ZZZ3: variants seen among roughly 807,000 people sequenced by gnomAD.
ZZZ3 encodes zinc finger ZZ-type containing 3.
ZZZ3 carries 22 observed loss-of-function variants against 95.2 expected under a neutral mutation model. That is an observed-to-expected ratio of 0.23 (90% CI 0.17 to 0.33). The LOEUF (loss-of-function observed/expected upper bound fraction) is 0.33. Ranked by LOEUF, ZZZ3 falls within the 10% of genes least tolerant of loss-of-function variation. The pLI is 1.00. For synonymous variants in ZZZ3, 335 were observed against 358.9 expected, an observed-to-expected ratio of 0.93 and a Z score of 0.75; for missense variants, 885 against 1,066.5, an observed-to-expected ratio of 0.83 and a Z score of 2.37.
chr1:77,646,996 G>C (rs753906062), intron 1 of ZZZ3, among the ~76,000 whole-genome samples: 9 of 152,180 alleles, frequency 5.9e-5, no homozygotes, highest in Non-Finnish European at 1.3e-4. Flanking sequence ...ATCTTGAGCT[G>C]AGTATTGATC....
At chr1:77,616,327 C>T (rs1666309343) in intron 5 of ZZZ3, among the ~76,000 whole-genome samples, 1 of 152,160 alleles carries the variant, frequency 6.6e-6, no homozygotes, top group Admixed American at 6.5e-5. Flanking sequence ...AAAGATGACA[C>T]CATTTGCTTA....
intron 1 of ZZZ3, among the ~76,000 whole-genome samples, chr1:77,663,082 G>A (rs1003278419): frequency 6.6e-6 from 1 of 151,290 alleles, no homozygotes; most frequent in Admixed American, 6.6e-5. Flanking sequence ...TCCAGGCTGG[G>A]TAACACAGTG....
rs545652370 is a variant in ZZZ3, at chr1:77,570,503, C to T, written c.2332-2037G>A. On this transcript the variant is annotated intron_variant, in intron 12 of 14. Coordinates refer to ENST00000370801, the MANE Select transcript of ZZZ3 (RefSeq NM_015534.6). ...ATCGGTCCTCTAGTATCCACCCCCT[C>T]CTTTGCCCCTTACCATTACTTAAAA... Among the ~76,000 whole-genome samples the T allele has an allele frequency of 1.1e-3, 167 of 152,196 alleles. 2 individuals carry two copies. Among genetic ancestry groups the T allele is most frequent in the Non-Finnish European group, 6.3e-4 (43 of 68,010 alleles).
chr1:77,645,201 C>G (rs915869865), intron 1 of ZZZ3: 1 of 152,172 alleles, frequency 6.6e-6, no homozygotes, highest in South Asian at 2.1e-4. Context: ...GCACTCCAGC[C>G]TGGGCAACCA....
At chr1:77,644,739 G>T (rs1057504675) in intron 1 of ZZZ3, among the ~76,000 whole-genome samples, 6 of 152,190 alleles carry the variant, frequency 3.9e-5, no homozygotes, top group African/African-American at 1.2e-4. Flanking sequence ...AAGTACTTCA[G>T]GTTACTGACT....
Position 77,582,028 on chromosome 1 carries a change from A to T in ZZZ3, c.1743T>A (p.Phe581Leu). The T allele has an allele frequency of 6.2e-7, 1 of 1,611,846 alleles. No individual in the cohort carries two copies. Among genetic ancestry groups the T allele is most frequent in the Non-Finnish European group, 8.5e-7 (1 of 1,178,168 alleles). Residue 581 changes from phenylalanine (F) to leucine (L), a missense_variant, in exon 7 of 15, where the codon TTT (phenylalanine) becomes TTA (leucine). Phe to Leu is a conservative substitution (Grantham distance 22). Transcript: ENST00000370801. ...THSLGNFERE[F>L]KNRKRHTRRV... ...TTCTAGTATGTCTTTTACGATTTTT[A>T]AATTCTCTTTCAAAATTCCCAAGGC...
At position 77,657,573 on chromosome 1, in the gene ZZZ3, G is replaced by A. The variant is rs556609980; in HGVS notation, c.-402-15918C>T. ...AAATTTCACCACTCTGAACATGTCC[G>A]CAAATGACTGCGAAAGTGCCAGACA... On this transcript the variant is annotated intron_variant, in intron 1 of 14. Coordinates refer to ENST00000370801, the MANE Select transcript of ZZZ3 (RefSeq NM_015534.6). Among the ~76,000 whole-genome samples the A allele has an allele frequency of 4.6e-5, 7 of 152,252 alleles. No individual in the cohort carries two copies. The South Asian group carries it at 1.5e-3, about 32-fold the overall frequency.
At chr1:77,668,196 T>C (rs111832155) in intron 1 of ZZZ3, among the ~76,000 whole-genome samples, 3,986 of 152,344 alleles carry the variant, frequency 0.026, 56 homozygotes, top group Middle Eastern at 0.078. Context: ...ACAGGTTTCA[T>C]TTTTAAGAGC....
intron 1 of ZZZ3, among the ~76,000 whole-genome samples, chr1:77,680,784 G>A (rs545305228): frequency 2.0e-5 from 3 of 152,212 alleles, no homozygotes; most frequent in East Asian, 1.9e-4. Flanking sequence ...TTAGGTTACA[G>A]TTTAGAATAT....
intron 5 of ZZZ3, among the ~76,000 whole-genome samples, chr1:77,619,255 C>T (rs927233312): frequency 6.6e-6 from 1 of 152,140 alleles, no homozygotes; most frequent in African/African-American, 2.4e-5. Flanking sequence ...TAACAAACAA[C>T]ATACCTCAAA....
chr1:77,582,761 T>A (rs950419795), intron 6 of ZZZ3, among the ~76,000 whole-genome samples: 33 of 151,562 alleles, frequency 2.2e-4, no homozygotes, highest in Non-Finnish European at 3.7e-4. Flanking sequence ...GTATAAAAAA[T>A]TATTAAGATG....
In ZZZ3 at chr1:77,592,363, C is replaced by T. The variant is rs1663789934; in HGVS notation, c.1506-7708G>A. On this transcript the variant is annotated intron_variant, in intron 5 of 14. Transcript: ENST00000370801. ...TGTCCCCCAGGATAGAGTGCAGTGGCGTGATCTCAGCTCACTGCAACCTCC... is the reference window on the plus strand; with the variant it reads ...TGTCCCCCAGGATAGAGTGCAGTGGTGTGATCTCAGCTCACTGCAACCTCC... Among the ~76,000 whole-genome samples, 5 of 152,294 alleles carry T rather than the reference C, an allele frequency of 3.3e-5. No homozygotes were observed. The South Asian group carries it at 1.0e-3, about 32-fold the overall frequency.
chr1:77,574,560 T>C (rs548935162), intron 12 of ZZZ3, among the ~76,000 whole-genome samples: 3 of 152,178 alleles, frequency 2.0e-5, no homozygotes, highest in African/African-American at 7.2e-5. Flanking sequence ...AGTCAGGATA[T>C]AGTCTCTAAA....
At chr1:77,683,148 T>A (rs1442734631), upstream of ZZZ3, 1 of 114,548 alleles carries the variant, frequency 8.7e-6, no homozygotes, top group Non-Finnish European at 1.7e-5. Context: ...CCCCTCCCGG[T>A]ACTTGGCTCC....
chr1:77,626,826 A>G (rs1667382871), intron 5 of ZZZ3, among the ~76,000 whole-genome samples: 1 of 152,196 alleles, frequency 6.6e-6, no homozygotes, highest in Admixed American at 6.5e-5. Context: ...TATTCTTTTC[A>G]TATTATTCAA....
chr1:77,652,444 CAT>C (rs1345791716), intron 1 of ZZZ3, among the ~76,000 whole-genome samples: 10 of 152,276 alleles, frequency 6.6e-5, no homozygotes, highest in East Asian at 1.9e-4. Context: ...ACAACAAAAA[CAT>C]GTGTTGGCAA....
intron 6 of ZZZ3, among the ~76,000 whole-genome samples, chr1:77,582,354 T>C (rs1662607782): frequency 6.6e-6 from 1 of 152,170 alleles, no homozygotes; most frequent in Admixed American, 6.6e-5. Context: ...GTACGACTTC[T>C]AGTTGGAGGG....
chr1:77,576,413 A>T (rs777600397), intron 11 of ZZZ3, among the ~76,000 whole-genome samples, 193 bp from the exon 12 acceptor site: 3 of 152,128 alleles, frequency 2.0e-5, no homozygotes, highest in Non-Finnish European at 2.9e-5. Context: ...AATTTTTTTT[A>T]AATGTAGGGG....
chr1:77,651,672 T>G (rs1669820072), intron 1 of ZZZ3, among the ~76,000 whole-genome samples: 1 of 152,158 alleles, frequency 6.6e-6, no homozygotes, highest in South Asian at 2.1e-4. Context: ...CAGTGATGGT[T>G]ACACACAATG....
Sources: gnomAD v4.1 joint callset for allele counts (sites outside exome capture counted in the v4.1 genomes callset) on GRCh38, gnomAD v4.1.1 for gene constraint, MANE v1.5 for transcripts, NCBI Gene and HGNC (gene_info 2026-07-23, HGNC 2026-07-21) for gene names.